The following NEDD9 variants were observed in gnomAD, a reference collection of about 807,000 sequenced individuals.
NEDD9 encodes the protein enhancer of filamentation 1.
NEDD9 carries 26 observed loss-of-function variants against 76.6 expected under a neutral mutation model. The ratio of observed to expected loss-of-function variants is 0.34; its 90% CI spans 0.25 to 0.47. NEDD9 has a LOEUF of 0.47. Among genes scored for constraint, NEDD9 ranks in the 20% least tolerant of loss-of-function variants. The pLI is 1.00. For missense variants in NEDD9, 937 were observed against 1,058.5 expected, an observed-to-expected ratio of 0.89 and a Z score of 1.59; for synonymous variants, 392 against 414.2, an observed-to-expected ratio of 0.95 and a Z score of 0.65.
At position 11,190,881 on chromosome 6, in the gene NEDD9, C is replaced by T; in HGVS notation, c.988G>A (p.Ala330Thr). The change falls in exon 5 of 7, where the codon GCA (alanine) becomes ACA (threonine). Residue 330 changes from alanine (A) to threonine (T), a missense_variant. Transcript: ENST00000379446. The surrounding 1 kb of genome is among the most constrained non-coding windows in gnomAD (Gnocchi z 5.8). ...GGGTTTGCTTTCTCACTGGTTTCTG[C>T]TGGTGGCTCAAGAAACTGAACGCCT... Reference protein sequence around the residue: ...PRGVQFLEPPAETSEKANPQE... With the variant: ...PRGVQFLEPPTETSEKANPQE... 2 of 1,614,132 alleles carry T rather than the reference C, an allele frequency of 1.2e-6. 1 individual carries two copies. Among genetic ancestry groups the T allele is most frequent in the South Asian group, 2.2e-5 (2 of 91,072 alleles).
intron 5 of NEDD9, among the ~76,000 whole-genome samples, chr6:11,189,448 T>A (rs1442197257): frequency 6.6e-6 from 1 of 152,214 alleles, no homozygotes; most frequent in African/African-American, 2.4e-5. Context: ...AAAGCAATTA[T>A]ACACACACAT....
chr6:11,361,157 G>A (rs894581717), intron 1 of NEDD9, among the ~76,000 whole-genome samples: 1 of 152,186 alleles, frequency 6.6e-6, no homozygotes, highest in African/African-American at 2.4e-5. Context: ...AGGTGCTAAA[G>A]GACAGCTGTG....
At chr6:11,355,956 C>T (rs534397584) in intron 1 of NEDD9, among the ~76,000 whole-genome samples, 37 of 152,224 alleles carry the variant, frequency 2.4e-4, no homozygotes, top group African/African-American at 6.0e-4. Context: ...CTCCTGACCT[C>T]GTGATCTGCC....
chr6:11,357,502 A>G lies in NEDD9; in HGVS notation c.-213-22941T>C, dbSNP rs1347080424. On this transcript the variant is annotated intron_variant, in intron 1 of 3. Coordinates refer to the NEDD9 transcript ENST00000397378. ...GAAGAGAAAGCCACTGACCATTATT[A>G]ACCTCTAAATAGGGAGCGCCCAGTC... 3.3e-5 allele frequency among the ~76,000 whole-genome samples: 5 copies of G among 152,210 alleles called. No homozygotes were observed. In the East Asian group the frequency reaches 9.6e-4, roughly 29 times the overall value.
chr6:11,295,891 C>T (rs2142742), intron 3 of NEDD9, among the ~76,000 whole-genome samples: 17,585 of 152,138 alleles, frequency 0.12, 1,199 homozygotes, highest in Admixed American at 0.18. Context: ...ATTACACCCA[C>T]GTTAGGTGTG....
chr6:11,350,820 C>T (rs958972937), intron 1 of NEDD9, among the ~76,000 whole-genome samples: 1 of 152,022 alleles, frequency 6.6e-6, no homozygotes, highest in Non-Finnish European at 1.5e-5. Flanking sequence ...ATACACATAG[C>T]GTAGGTAAAC....
chr6:11,192,980 C>T (rs1198200955), intron 3 of NEDD9, among the ~76,000 whole-genome samples: 11 of 135,138 alleles, frequency 8.1e-5, no homozygotes, highest in African/African-American at 1.6e-4. Flanking sequence ...GAAATATCTA[C>T]GCTGTCTGTA....
At chr6:11,288,543 G>C (rs1760696683) in intron 3 of NEDD9, among the ~76,000 whole-genome samples, 1 of 151,670 alleles carries the variant, frequency 6.6e-6, no homozygotes, top group South Asian at 2.1e-4. Flanking sequence ...CTCACAACAG[G>C]GAACGTCTCA....
At chr6:11,303,684 A>T (rs1173524839) in intron 3 of NEDD9, among the ~76,000 whole-genome samples, 1 of 152,168 alleles carries the variant, frequency 6.6e-6, no homozygotes, top group African/African-American at 2.4e-5. Flanking sequence ...AACTTTGGCA[A>T]ACCTGAAAAA....
At chr6:11,312,795 G>T (rs376082155) in intron 2 of NEDD9, among the ~76,000 whole-genome samples, 1 of 151,446 alleles carries the variant, frequency 6.6e-6, no homozygotes, top group Non-Finnish European at 1.5e-5. Context: ...GTGGGGAGAC[G>T]TAAAACAAGG....
At chr6:11,187,793 C>A (rs1350308721) in intron 6 of NEDD9, among the ~76,000 whole-genome samples, 3 of 152,158 alleles carry the variant, frequency 2.0e-5, no homozygotes, top group Non-Finnish European at 4.4e-5. Flanking sequence ...TAGAAAGAAG[C>A]AAAGGAACTA....
chr6:11,288,413 C>T (rs146935531), intron 3 of NEDD9, among the ~76,000 whole-genome samples: 506 of 152,322 alleles, frequency 3.3e-3, no homozygotes, highest in African/African-American at 0.011. Context: ...GGCAGAGCTG[C>T]CAATAGTCTC....
chr6:11,206,817 T>C (rs1203099339), intron 2 of NEDD9, among the ~76,000 whole-genome samples: 2 of 152,104 alleles, frequency 1.3e-5, no homozygotes, highest in East Asian at 1.9e-4. Context: ...AGATAACTTC[T>C]CATTTTCAAA....
At chr6:11,317,976 C>G (rs1223562841) in intron 2 of NEDD9, among the ~76,000 whole-genome samples, 2 of 152,164 alleles carry the variant, frequency 1.3e-5, no homozygotes, top group African/African-American at 2.4e-5. Flanking sequence ...AAAAGGTGGA[C>G]CTTCCCCTGA....
chr6:11,287,801 C>T (rs566375608), intron 3 of NEDD9, among the ~76,000 whole-genome samples: 1 of 152,286 alleles, frequency 6.6e-6, no homozygotes, highest in African/African-American at 2.4e-5. Flanking sequence ...TAACCCATCA[C>T]CCAGCAGGTA....
intron 3 of NEDD9, among the ~76,000 whole-genome samples, chr6:11,281,840 T>A (rs777855136): frequency 6.6e-6 from 1 of 152,194 alleles, no homozygotes; most frequent in Non-Finnish European, 1.5e-5. Flanking sequence ...TGCAAACTCC[T>A]GGGTTCAAAC....
At chr6:11,350,565 A>G (rs1561844130) in intron 1 of NEDD9, among the ~76,000 whole-genome samples, 2 of 152,326 alleles carry the variant, frequency 1.3e-5, no homozygotes, top group East Asian at 3.9e-4. Context: ...CTCCGTGACT[A>G]ACTGTGGGAG....
chr6:11,364,912 T>C (rs2113559826), intron 1 of NEDD9, among the ~76,000 whole-genome samples: 1 of 152,278 alleles, frequency 6.6e-6, no homozygotes, highest in Non-Finnish European at 1.5e-5. Flanking sequence ...AAATGGAGCC[T>C]CTGCATTTCC....
intron 2 of NEDD9, among the ~76,000 whole-genome samples, chr6:11,320,516 C>T (rs1025272155): frequency 6.6e-6 from 1 of 152,212 alleles, no homozygotes; most frequent in African/African-American, 2.4e-5. Context: ...CATACAGCCA[C>T]TCATCCTCAA....
Sources: allele counts gnomAD v4.1 joint callset (sites outside exome capture counted in the v4.1 genomes callset), GRCh38; gene constraint gnomAD v4.1.1; non-coding constraint Gnocchi (gnomAD v3.1); transcripts MANE v1.5; gene names NCBI Gene and HGNC (gene_info 2026-07-23, HGNC 2026-07-21).